The following FAM234A variants were observed in gnomAD, a reference collection of about 807,000 sequenced individuals.
FAM234A encodes the protein family with sequence similarity 234 member A.
Under a neutral mutation model 49.1 loss-of-function variants are expected in FAM234A, and 42 were observed. That is an observed-to-expected ratio of 0.86 (90% CI 0.67 to 1.11). The LOEUF (loss-of-function observed/expected upper bound fraction) is 1.11. Among genes scored for constraint, FAM234A ranks in the 50% least tolerant of loss-of-function variants. FAM234A has a pLI of 0.00. For missense variants in FAM234A, 815 were observed against 745.2 expected (o/e 1.09, Z -1.09); for synonymous variants, 369 against 316.2 (o/e 1.17, Z -1.77).
At position 263,421 on chromosome 16, in the gene FAM234A, G is replaced by T. The variant is rs1324987741; in HGVS notation, c.1112+19G>T. ...TCCTGAGGTACAGGGTTTCCCCAAGGACCGCGCAGGTGCTGCACCCCTTCC... is the reference window on the plus strand; with the variant it reads ...TCCTGAGGTACAGGGTTTCCCCAAGTACCGCGCAGGTGCTGCACCCCTTCC... On this transcript the variant is annotated intron_variant, in intron 9 of 12. Coordinates refer to ENST00000399932, the MANE Select transcript of FAM234A (RefSeq NM_032039.4). 6.2e-7 allele frequency: 1 copy of T among 1,604,766 alleles called. No homozygotes were observed. Among genetic ancestry groups the T allele is most frequent in the Non-Finnish European group, 8.5e-7 (1 of 1,179,690 alleles).
chr16:264,261 C>A, intron 11 of FAM234A, 90 bp downstream of exon 11: 1 of 1,330,232 alleles, frequency 7.5e-7, no homozygotes, highest in South Asian at 1.5e-5. Context: ...AGAAGCTCAT[C>A]GGTGCCTGGG....
At chr16:254,242 G>A in intron 2 of FAM234A, 139 bp from the exon 3 acceptor site, 4 of 698,326 alleles carry the variant, frequency 5.7e-6, no homozygotes, top group Non-Finnish European at 9.9e-6. Context: ...CATTTATTTA[G>A]CTTTTATTTC....
chr16:258,404 G>C (rs2051324413), intron 3 of FAM234A, among the ~76,000 whole-genome samples: 2 of 152,136 alleles, frequency 1.3e-5, no homozygotes, highest in African/African-American at 4.8e-5. Context: ...AGCACATCTT[G>C]CACCGCCCTT....
At chr16:256,441 T>G (rs1175256306) in intron 3 of FAM234A, among the ~76,000 whole-genome samples, 1 of 152,212 alleles carries the variant, frequency 6.6e-6, no homozygotes, top group East Asian at 1.9e-4. Context: ...GGTCCCTCTT[T>G]TCGTGTGAGT....
downstream of FAM234A, among the ~76,000 whole-genome samples, chr16:267,531 C>T (rs1472126698): frequency 6.6e-6 from 1 of 151,958 alleles, no homozygotes; most frequent in Non-Finnish European, 1.5e-5. Context: ...CACGTGCACA[C>T]ACACCACACA....
downstream of FAM234A, chr16:269,081 C>A: frequency 1.0e-6 from 1 of 976,862 alleles, no homozygotes; most frequent in Non-Finnish European, 1.6e-6. Flanking sequence ...CCCATTCCTT[C>A]TGGGCAGGGA....
At chr16:259,453 C>A in intron 3 of FAM234A, 30 bp from the exon 4 acceptor site, 4 of 1,281,416 alleles carry the variant, frequency 3.1e-6, no homozygotes, top group Non-Finnish European at 4.6e-6. Context: ...GCATGGCCCG[C>A]GGAGTATAGT....
chr16:251,238 G>C lies in FAM234A; in HGVS notation c.-34+1584G>C, dbSNP rs773543043. On this transcript the variant is annotated intron_variant, in intron 2 of 12. Transcript: ENST00000399932. The stretch of plus-strand genomic sequence containing the variant: ...CTCAAAGTGTTGGGATCACAGGCGT[G>C]AGCCACTGCGCCCAGCCGATACGTT... 9.2e-5 allele frequency among the ~76,000 whole-genome samples: 14 copies of C among 152,200 alleles called. 1 individual carries two copies. Among genetic ancestry groups the C allele is most frequent in the Non-Finnish European group, 1.8e-4 (12 of 68,040 alleles).
At chr16:268,998 C>A, downstream of FAM234A, 1 of 1,471,700 alleles carries the variant, frequency 6.8e-7, no homozygotes, top group Non-Finnish European at 9.3e-7. Context: ...GGTCTCACCT[C>A]TCTTCAGGTA....
downstream of FAM234A, chr16:268,754 A>C: frequency 2.6e-6 from 4 of 1,546,490 alleles, no homozygotes; most frequent in Non-Finnish European, 3.5e-6. Context: ...TCAGCACGGC[A>C]CTCTCTTGGG....
chr16:263,516 T>C (rs2141365074), intron 9 of FAM234A, 114 bp downstream of exon 9: 1 of 1,451,168 alleles, frequency 6.9e-7, no homozygotes, highest in Non-Finnish European at 9.3e-7. Flanking sequence ...GGCCGTGTGC[T>C]GCTGCCCGGG....
rs182103652 is a variant in FAM234A at position 238,349 on chromosome 16, C to T, written c.-140+3492C>T. On this transcript the variant is annotated intron_variant, in intron 1 of 12. Transcript: ENST00000399932. ...CGAACATTTTTAAACCACTATGCAG[C>T]TTACCACTCCTGTGGGACAAGAGTG... Among the ~76,000 whole-genome samples the T allele has an allele frequency of 2.7e-3, 405 of 152,240 alleles. 1 individual carries two copies. The highest frequency in any genetic ancestry group is 2.2e-3 in the Non-Finnish European group (151 of 68,006).
At chr16:253,656 A>G (rs1038311486) in intron 2 of FAM234A, among the ~76,000 whole-genome samples, 1 of 151,942 alleles carries the variant, frequency 6.6e-6, no homozygotes, top group Non-Finnish European at 1.5e-5. Context: ...TTGTATTTTT[A>G]GTAGAGATGG....
rs1317509304 is a variant in FAM234A, at chr16:238,731, A to G, written c.-140+3874A>G. 9.4e-5 allele frequency among the ~76,000 whole-genome samples: 12 copies of G among 128,076 alleles called. No homozygotes were observed. The Admixed American group carries it at 1.0e-3, about 11-fold the overall frequency. The allele number at this position is 128,076 out of a possible 152,430, so 84.0% of individuals were successfully genotyped here. A position where few individuals can be genotyped will look rare whatever the true frequency, so the allele number is the denominator to read the frequency against. On this transcript the variant is annotated intron_variant, in intron 1 of 12. Transcript: ENST00000399932. ...TAGTGAGCAGAGATCGTGCCACTGC[A>G]CTCCAGCCTGGGCGACAGAGTGAGA...
At chr16:254,261 G>A (rs1179018143) in intron 2 of FAM234A, 120 bp from the exon 3 acceptor site, 1 of 734,284 alleles carries the variant, frequency 1.4e-6, no homozygotes, top group Non-Finnish European at 2.3e-6. Context: ...TCCTGGGCTG[G>A]TGGCCCATAG....
chr16:235,251 G>T (rs2050358305), intron 1 of FAM234A, among the ~76,000 whole-genome samples: 1 of 152,194 alleles, frequency 6.6e-6, no homozygotes, highest in Admixed American at 6.5e-5. Flanking sequence ...CGCCTGGGTT[G>T]CCTGAGAGTG....
At chr16:235,625 A>G (rs1296192000) in intron 1 of FAM234A, among the ~76,000 whole-genome samples, 2 of 152,098 alleles carry the variant, frequency 1.3e-5, no homozygotes, top group Admixed American at 1.3e-4. Flanking sequence ...CCTTCCATGT[A>G]CTGGCTGCCG....
At chr16:248,722 G>GTAATC (rs1419007018) in intron 1 of FAM234A, among the ~76,000 whole-genome samples, 1 of 151,894 alleles carries the variant, frequency 6.6e-6, no homozygotes, top group East Asian at 1.9e-4. Flanking sequence ...CCGGGCTCAA[G>GTAATC]CAATCCTCCT....
rs922533282 is a variant in FAM234A, at chr16:261,472, T to C, written c.666T>C (p.Asp222=). The change falls in exon 6 of 13, where the codon GAT becomes GAC. Residue 222 remains aspartate (D), a synonymous_variant. Transcript: ENST00000399932. ...PLLQVPDVDG[D]GAPDLLVLTQ... ...TGCAGGTGCCTGATGTGGACGGCGA[T>C]GGGGCCCCAGACCTGCTGGTTCTCA... 5.0e-6 allele frequency: 8 copies of C among 1,612,596 alleles called. No homozygotes were observed. Among genetic ancestry groups the C allele is most frequent in the Non-Finnish European group, 6.8e-6 (8 of 1,179,646 alleles).
Sources: gnomAD v4.1 joint callset for allele counts (sites outside exome capture counted in the v4.1 genomes callset) on GRCh38, gnomAD v4.1.1 for gene constraint, MANE v1.5 for transcripts, NCBI Gene and HGNC (gene_info 2026-07-23, HGNC 2026-07-21) for gene names.